SHISA6: variants seen among roughly 807,000 people sequenced by gnomAD.
SHISA6 encodes shisa family member 6.
A neutral mutation model predicts 47.9 loss-of-function variants in SHISA6; 22 were observed. The ratio of observed to expected loss-of-function variants is 0.46; its 90% CI spans 0.33 to 0.66. The LOEUF (loss-of-function observed/expected upper bound fraction) is 0.66, where lower values mean the gene tolerates loss of function less well. Ranked by LOEUF, SHISA6 falls within the 30% of genes least tolerant of loss-of-function variation. The pLI, the probability that SHISA6 is intolerant of heterozygous loss-of-function variation, is 0.02. For missense variants in SHISA6, 680 were observed against 764.6 expected (o/e 0.89, Z 1.30); for synonymous variants, 388 against 337.8 (o/e 1.15, Z -1.63).
At chr17:11,416,240 G>T (rs1914276189) in intron 3 of SHISA6, among the ~76,000 whole-genome samples, 1 of 152,078 alleles carries the variant, frequency 6.6e-6, no homozygotes, top group Admixed American at 6.5e-5. Context: ...GAACAAAAAG[G>T]GTCCCAGAGT....
At chr17:11,333,355 G>A (rs2142206518) in intron 2 of SHISA6, among the ~76,000 whole-genome samples, 1 of 152,190 alleles carries the variant, frequency 6.6e-6, no homozygotes, top group South Asian at 2.1e-4. Context: ...CTCCAGCGTG[G>A]GGCAGTTGCC....
chr17:11,502,236 C>T (rs1191598211), intron 3 of SHISA6, among the ~76,000 whole-genome samples: 8 of 150,710 alleles, frequency 5.3e-5, no homozygotes, highest in Admixed American at 6.6e-5. Flanking sequence ...GGTGAAACCC[C>T]GTCTCTACTA....
chr17:11,353,640 G>C (rs1304501115), intron 2 of SHISA6, among the ~76,000 whole-genome samples: 7 of 152,130 alleles, frequency 4.6e-5, no homozygotes. Context: ...GAACAGGTCT[G>C]CCCGTAGCCA....
At chr17:11,335,675 A>C (rs6502144) in intron 2 of SHISA6, among the ~76,000 whole-genome samples, 81,669 of 151,930 alleles carry the variant, frequency 0.54, 22,841 homozygotes, top group African/African-American at 0.69. Flanking sequence ...AAACTGGAAT[A>C]TTTTCCCACG....
At chr17:11,335,590 C>T (rs1478735321) in intron 2 of SHISA6, among the ~76,000 whole-genome samples, 2 of 152,076 alleles carry the variant, frequency 1.3e-5, no homozygotes, top group Non-Finnish European at 2.9e-5. Flanking sequence ...ATCTCTTTTT[C>T]CTTGGCTCCT....
chr17:11,499,218 A>G (rs1302228665), intron 3 of SHISA6, among the ~76,000 whole-genome samples: 3 of 152,164 alleles, frequency 2.0e-5, no homozygotes, highest in Non-Finnish European at 4.4e-5. Flanking sequence ...CTGAATTGGG[A>G]GAGGCAAGAT....
At chr17:11,457,188 T>G (rs1915564182) in intron 3 of SHISA6, among the ~76,000 whole-genome samples, 1 of 152,196 alleles carries the variant, frequency 6.6e-6, no homozygotes, top group Non-Finnish European at 1.5e-5. Context: ...GCGTTTCGAA[T>G]GCATGCAGCC....
intron 3 of SHISA6, among the ~76,000 whole-genome samples, chr17:11,486,383 C>T (rs1166074133): frequency 2.6e-5 from 4 of 152,134 alleles, no homozygotes; most frequent in African/African-American, 4.8e-5. Flanking sequence ...GCCAGGGACC[C>T]GGGTCTCTTT....
chr17:11,438,268 T>C (rs1480097290), intron 3 of SHISA6, among the ~76,000 whole-genome samples: 1 of 152,240 alleles, frequency 6.6e-6, no homozygotes, highest in Admixed American at 6.5e-5. Context: ...TATCCAAACA[T>C]TAAACATCAA....
rs143750030 is a variant in SHISA6 at position 11,295,156 on chromosome 17, T to C, written c.799+31630T>C. On this transcript the variant is annotated intron_variant, in intron 2 of 5. Coordinates refer to ENST00000441885, the MANE Select transcript of SHISA6 (RefSeq NM_207386.4). Reference sequence around the variant, plus strand: ...AGCAAATTAAAACTTATGAGTTGTTTACTTCTGGAAATTTCTATTTAATAT... The same window carrying C: ...AGCAAATTAAAACTTATGAGTTGTTCACTTCTGGAAATTTCTATTTAATAT... 2.1e-4 allele frequency among the ~76,000 whole-genome samples: 32 copies of C among 152,360 alleles called. 1 individual carries two copies. The East Asian group carries it at 6.0e-3, about 28-fold the overall frequency.
At chr17:11,459,391 A>G (rs2142312418) in intron 3 of SHISA6, among the ~76,000 whole-genome samples, 1 of 152,246 alleles carries the variant, frequency 6.6e-6, no homozygotes, top group East Asian at 1.9e-4. Flanking sequence ...TCTGCCCTGG[A>G]TAATAAGGAG....
At chr17:11,347,548 A>G (rs945789356) in intron 2 of SHISA6, among the ~76,000 whole-genome samples, 1 of 152,210 alleles carries the variant, frequency 6.6e-6, no homozygotes, top group Non-Finnish European at 1.5e-5. Context: ...GCTAGATATT[A>G]TTTGCATCTC....
At position 11,301,820 on chromosome 17, in the gene SHISA6, A is replaced by G. The variant is rs2142178050; in HGVS notation, c.799+38294A>G. 1.3e-5 allele frequency among the ~76,000 whole-genome samples: 2 copies of G among 152,242 alleles called. 1 individual carries two copies. The highest frequency in any genetic ancestry group is 4.1e-4 in the South Asian group (2 of 4,828). On this transcript the variant is annotated intron_variant, in intron 2 of 5. Coordinates refer to ENST00000441885, the MANE Select transcript of SHISA6 (RefSeq NM_207386.4). ...AGCTGTAGGGGTCCTCTCCCTTTGC[A>G]TGGTTTTGGCTTTAGGAGCCTTGTA...
intron 1 of SHISA6, among the ~76,000 whole-genome samples, chr17:11,244,065 AC>A (rs764262472): frequency 1.6e-4 from 25 of 151,808 alleles, no homozygotes; most frequent in Admixed American, 3.3e-4. Flanking sequence ...CCTTCCCACC[AC>A]CCTGATGCCC....
At chr17:11,294,969 C>T (rs1239113708) in intron 2 of SHISA6, among the ~76,000 whole-genome samples, 1 of 152,144 alleles carries the variant, frequency 6.6e-6, no homozygotes, top group African/African-American at 2.4e-5. Context: ...AAAGCTTTTT[C>T]AAGCCCGCAC....
intron 3 of SHISA6, among the ~76,000 whole-genome samples, chr17:11,502,424 A>G (rs1394583569): frequency 7.6e-6 from 1 of 132,320 alleles, no homozygotes; most frequent in Admixed American, 7.7e-5. Context: ...AAAAAAAAAA[A>G]AAAAAAAAGA....
chr17:11,345,021 G>A (rs1207789495), intron 2 of SHISA6, among the ~76,000 whole-genome samples: 1 of 152,094 alleles, frequency 6.6e-6, no homozygotes, highest in Non-Finnish European at 1.5e-5. Context: ...ATATGAGTGA[G>A]AATATGCAGT....
At chr17:11,525,716 TTATA>T (rs1385825520) in intron 3 of SHISA6, among the ~76,000 whole-genome samples, 4 of 151,390 alleles carry the variant, frequency 2.6e-5, no homozygotes, top group Non-Finnish European at 5.9e-5. Flanking sequence ...AAGGGTTGTT[TTATA>T]TAACAGTCTT....
intron 1 of SHISA6, among the ~76,000 whole-genome samples, chr17:11,254,631 G>A (rs745465174): frequency 7.9e-5 from 12 of 152,200 alleles, no homozygotes; most frequent in Non-Finnish European, 1.8e-4. Context: ...CCCTACCTCT[G>A]GAGGCAGTTG....
Sources: allele counts gnomAD v4.1 joint callset (sites outside exome capture counted in the v4.1 genomes callset), GRCh38; gene constraint gnomAD v4.1.1; transcripts MANE v1.5; gene names NCBI Gene and HGNC (gene_info 2026-07-23, HGNC 2026-07-21).